The following TOB1 variants were observed in gnomAD, a reference collection of about 807,000 sequenced individuals.
TOB1 encodes the protein transducer of ERBB2, 1.
A neutral mutation model predicts 22.9 loss-of-function variants in TOB1; 2 were observed. That is an observed-to-expected ratio of 0.09 (90% CI 0.04 to 0.28). TOB1 has a LOEUF of 0.28. Among genes scored for constraint, TOB1 ranks in the 10% least tolerant of loss-of-function variants. The probability of loss-of-function intolerance (pLI) is 1.00; values close to 1 mark genes in which losing one functional copy is unlikely to be tolerated. For missense variants in TOB1, 299 were observed against 420.5 expected, an observed-to-expected ratio of 0.71 and a Z score of 2.53; for synonymous variants, 154 against 150.6, an observed-to-expected ratio of 1.02 and a Z score of -0.17.
intron 1 of TOB1, among the ~76,000 whole-genome samples, chr17:50,864,474 T>C (rs1369702872): frequency 1.3e-5 from 2 of 152,204 alleles, no homozygotes; most frequent in African/African-American, 4.8e-5. Flanking sequence ...CTCTAGAACA[T>C]GCATTCTTCT....
chr17:50,864,236 T>A, intron 1 of TOB1, 73 bp from the exon 2 acceptor site: 1 of 825,180 alleles, frequency 1.2e-6, no homozygotes, highest in Non-Finnish European at 1.6e-6. Flanking sequence ...CCCTCCAAAG[T>A]AATTTCACCT....
intron 1 of TOB1, among the ~76,000 whole-genome samples, chr17:50,865,515 C>A (rs1226992823): frequency 6.6e-6 from 1 of 152,100 alleles, no homozygotes; most frequent in Non-Finnish European, 1.5e-5. Context: ...GAAGAGAGTA[C>A]GAGCCTCCTC....
In TOB1 at chr17:50,866,123, G is replaced by A. The variant is rs1972301089; in HGVS notation, c.-212C>T. The A allele has an allele frequency of 1.3e-5, 2 of 152,590 alleles. No homozygotes were observed. The highest frequency in any genetic ancestry group is 2.9e-5 in the Non-Finnish European group (2 of 68,504). The allele number at this position is 152,590 out of a possible 1,614,324, so 9.5% of individuals were successfully genotyped here. On this transcript the variant is annotated 5_prime_UTR_variant, in exon 1 of 2. Coordinates refer to ENST00000499247, the MANE Select transcript of TOB1 (RefSeq NM_005749.4). ...GGCGGGGAGCAGCGCGGCAGGGCGG[G>A]GGCGCGGGAGGGTCGGGAGCGGCGA...
intron 1 of TOB1, among the ~76,000 whole-genome samples, chr17:50,865,111 CAG>C (rs1972276267): frequency 6.6e-6 from 1 of 152,140 alleles, no homozygotes; most frequent in African/African-American, 2.4e-5. Flanking sequence ...CAAGGGCAAA[CAG>C]AAGATATTTG....
rs989304076 is a variant in TOB1, at chr17:50,862,361, C to T, written c.*619G>A. 17 of 151,586 alleles carry T rather than the reference C, an allele frequency of 1.1e-4. No individual in the cohort carries two copies. Among genetic ancestry groups the T allele is most frequent in the East Asian group, 2.0e-4 (1 of 5,118 alleles). The allele number at this position is 151,586 out of a possible 1,614,324, so 9.4% of individuals were successfully genotyped here. A position where few individuals can be genotyped will look rare whatever the true frequency, so the allele number is the denominator to read the frequency against. On this transcript the variant is annotated 3_prime_UTR_variant, in exon 2 of 2. Coordinates refer to ENST00000499247, the MANE Select transcript of TOB1 (RefSeq NM_005749.4). ...AATATAGGTACAAAATTAATATTTA[C>T]GATTACATTTTTCTTCCATAATATA...
intron 1 of TOB1, 138 bp downstream of exon 1, chr17:50,865,920 G>A (rs1203935477): frequency 1.3e-5 from 2 of 151,518 alleles, no homozygotes; most frequent in African/African-American, 4.8e-5. Flanking sequence ...CTGCCCCCTC[G>A]GCGCCCAGGG....
upstream of TOB1, chr17:50,867,529 C>T (rs987459964): frequency 1.8e-4 from 27 of 152,330 alleles, no homozygotes; most frequent in African/African-American, 6.3e-4. Flanking sequence ...GCGCTGGTCC[C>T]TTCGCAACGA....
At position 50,863,027 on chromosome 17, in the gene TOB1, T is replaced by C; in HGVS notation, c.991A>G (p.Asn331Asp). The C allele has an allele frequency of 6.2e-7, 1 of 1,614,090 alleles. No individual in the cohort carries two copies. Among genetic ancestry groups the C allele is most frequent in the African/African-American group, 1.3e-5 (1 of 75,038 alleles). The change falls in exon 2 of 2, where the codon AAC (asparagine) becomes GAC (aspartate). Residue 331 changes from asparagine to aspartate, a missense_variant. Asn to Asp is a conservative substitution (Grantham distance 23). Coordinates refer to ENST00000499247, the MANE Select transcript of TOB1 (RefSeq NM_005749.4). ...AATTGCTGGTTAGAATACTGCATGT[T>C]ATTTAAGCTAAAATTCAAGCCATCT... ...FVDGLNFSLN[N>D]MQYSNQQFQP...
intron 1 of TOB1, among the ~76,000 whole-genome samples, chr17:50,865,428 T>A (rs1471872699): frequency 1.3e-5 from 2 of 152,182 alleles, no homozygotes; most frequent in African/African-American, 4.8e-5. Context: ...TTAGATCTCA[T>A]TAGATTTCTG....
chr17:50,865,835 C>T (rs887230194), intron 1 of TOB1, among the ~76,000 whole-genome samples: 1 of 151,888 alleles, frequency 6.6e-6, no homozygotes, highest in Non-Finnish European at 1.5e-5. Flanking sequence ...CCGGGCCGCC[C>T]GTCCCCGGCC....
intron 1 of TOB1, among the ~76,000 whole-genome samples, chr17:50,865,004 C>G (rs1597990598): frequency 6.6e-6 from 1 of 152,298 alleles, no homozygotes; most frequent in East Asian, 1.9e-4. Context: ...CCCTCTCTCC[C>G]TCCCTCCCTC....
upstream of TOB1, chr17:50,867,690 C>T (rs1364487644): frequency 1.3e-5 from 2 of 152,464 alleles, no homozygotes; most frequent in African/African-American, 4.8e-5. Context: ...TTTCCCCTCT[C>T]CTCTCCATTC....
rs1972231111 is a variant in TOB1, at chr17:50,862,683, C to A, written c.*297G>T. On this transcript the variant is annotated 3_prime_UTR_variant, in exon 2 of 2. Transcript: ENST00000499247. ...ATTAAATTATACAATTAGAAAAGAC[C>A]AATAAACCCACTTATTAGTGCCAAT... 1 of 259,398 alleles carries A rather than the reference C, an allele frequency of 3.9e-6. No homozygotes were observed. The highest frequency in any genetic ancestry group is 7.2e-6 in the Non-Finnish European group (1 of 139,000). 16.1% of individuals were successfully genotyped at this position (259,398 alleles called of 1,614,324 possible).
chr17:50,864,261 G>A, intron 1 of TOB1, 98 bp from the exon 2 acceptor site: 1 of 629,232 alleles, frequency 1.6e-6, no homozygotes, highest in African/African-American at 1.9e-5. Context: ...AAATGTCTAA[G>A]ATCCTGTGTT....
intron 1 of TOB1, among the ~76,000 whole-genome samples, chr17:50,865,490 G>A (rs1972283165): frequency 6.6e-6 from 1 of 152,220 alleles, no homozygotes; most frequent in Non-Finnish European, 1.5e-5. Context: ...GCAAGAGGAG[G>A]TGGAGGTGGA....
chr17:50,867,452 G>C (rs1280581484), upstream of TOB1: 1 of 152,218 alleles, frequency 6.6e-6, no homozygotes, highest in African/African-American at 2.4e-5. Context: ...ATTACATCGG[G>C]AGTGGAATCG....
At chr17:50,864,796 A>G in intron 1 of TOB1, among the ~76,000 whole-genome samples, 1 of 152,370 alleles carries the variant, frequency 6.6e-6, no homozygotes, top group East Asian at 1.9e-4. Flanking sequence ...TTCGGCCTTA[A>G]GTATACTAAG....
At chr17:50,864,507 T>A (rs1388318241) in intron 1 of TOB1, among the ~76,000 whole-genome samples, 1 of 152,204 alleles carries the variant, frequency 6.6e-6, no homozygotes, top group African/African-American at 2.4e-5. Flanking sequence ...CACAAGAATA[T>A]TTATTGTACT....
At position 50,862,518 on chromosome 17, in the gene TOB1, T is replaced by C; in HGVS notation, c.*462A>G. 1 of 153,272 alleles carries C rather than the reference T, an allele frequency of 6.5e-6. No individual in the cohort carries two copies. Among genetic ancestry groups the C allele is most frequent in the Admixed American group, 6.5e-5 (1 of 15,312 alleles). The allele number at this position is 153,272 out of a possible 1,614,324, so 9.5% of individuals were successfully genotyped here. A position where few individuals can be genotyped will look rare whatever the true frequency, so the allele number is the denominator to read the frequency against. On this transcript the variant is annotated 3_prime_UTR_variant, in exon 2 of 2. Transcript: ENST00000499247. ...GAATAGTTGATGTCTTTAAGATGGA[T>C]ATTTTACAATTTCAGTAAAAAAAAT...
Sources: gnomAD v4.1 joint callset for allele counts (sites outside exome capture counted in the v4.1 genomes callset) on GRCh38, gnomAD v4.1.1 for gene constraint, MANE v1.5 for transcripts, NCBI Gene and HGNC (gene_info 2026-07-23, HGNC 2026-07-21) for gene names.